The following TRIO variants were observed in gnomAD, a reference collection of about 807,000 sequenced individuals.
The protein encoded by TRIO is trio Rho guanine nucleotide exchange factor, also known as triple functional domain protein.
In TRIO, 58 loss-of-function variants were observed where a neutral mutation model predicts 351.9. The observed-to-expected ratio is 0.16, with a 90% CI of 0.13 to 0.21. The LOEUF is 0.21. TRIO is among the 10% of genes least tolerant of loss of function. The pLI is 1.00. For synonymous variants in TRIO, 1,758 were observed against 1,595.7 expected (o/e 1.10, Z -2.42); for missense variants, 3,201 against 4,027.8 (o/e 0.79, Z 5.56).
chr5:14,200,763 T>G (rs935837430), intron 1 of TRIO, among the ~76,000 whole-genome samples: 2 of 151,736 alleles, frequency 1.3e-5, no homozygotes, highest in Admixed American at 6.6e-5. Flanking sequence ...CGACTCCTAC[T>G]CTTAGTTTCT....
At chr5:14,358,591 C>T (rs1389086031) in intron 12 of TRIO, among the ~76,000 whole-genome samples, 1 of 152,208 alleles carries the variant, frequency 6.6e-6, no homozygotes, top group African/African-American at 2.4e-5. Flanking sequence ...GACTAATAAA[C>T]CACATAATTT....
intron 49 of TRIO, among the ~76,000 whole-genome samples, chr5:14,496,199 CT>C (rs1411218084): frequency 2.0e-5 from 3 of 152,142 alleles, no homozygotes; most frequent in Admixed American, 6.5e-5. Flanking sequence ...ATAAACTTAA[CT>C]TTTATATGCA....
intron 33 of TRIO, among the ~76,000 whole-genome samples, chr5:14,409,678 T>C (rs566912181): frequency 2.6e-5 from 4 of 151,808 alleles, no homozygotes; most frequent in East Asian, 3.9e-4. Context: ...ACTAAAAATG[T>C]AAAAAATTAG....
chr5:14,321,365 G>C (rs949190226), intron 9 of TRIO, among the ~76,000 whole-genome samples: 1 of 152,234 alleles, frequency 6.6e-6, no homozygotes, highest in African/African-American at 2.4e-5. Flanking sequence ...TGGCCCCCAC[G>C]ATGAGGGTTT....
At chr5:14,279,346 G>T (rs1735794058) in intron 2 of TRIO, among the ~76,000 whole-genome samples, 1 of 149,108 alleles carries the variant, frequency 6.7e-6, no homozygotes, top group African/African-American at 2.4e-5. Context: ...TAAAAGGAAA[G>T]AATCTTCTGG....
At chr5:14,158,036 T>C (rs571815091) in intron 1 of TRIO, among the ~76,000 whole-genome samples, 1 of 152,270 alleles carries the variant, frequency 6.6e-6, no homozygotes, top group African/African-American at 2.4e-5. Flanking sequence ...GGCCTCTGTA[T>C]TTCTAGCAAC....
Position 14,482,680 on chromosome 5 carries a change from C to T in TRIO, c.6564C>T (p.Ile2188=). ...GLLPRCRERR[I]FLFEQIVIFS... is the part of the protein sequence containing the mutation. ...TGCCTCGCTGCAGAGAGAGGCGCATCTTCCTCTTTGAGCAGATCGTCATAT... is the reference window on the plus strand; with the variant it reads ...TGCCTCGCTGCAGAGAGAGGCGCATTTTCCTCTTTGAGCAGATCGTCATAT... Residue 2188 remains isoleucine (I), a synonymous_variant, in exon 46 of 57, where the codon ATC becomes ATT. Coordinates refer to ENST00000344204, the MANE Select transcript of TRIO (RefSeq NM_007118.4). The T allele has an allele frequency of 3.1e-6, 5 of 1,611,844 alleles. No homozygotes were observed. The highest frequency in any genetic ancestry group is 1.7e-5 in the Admixed American group (1 of 59,838).
chr5:14,387,496 G>A lies in TRIO; in HGVS notation c.3629G>A (p.Gly1210Glu). The A allele has an allele frequency of 1.2e-6, 2 of 1,614,138 alleles. No individual in the cohort carries two copies. Among genetic ancestry groups the A allele is most frequent in the South Asian group, 1.1e-5 (1 of 91,066 alleles). Reference sequence around the variant, plus strand: ...CTGGCTGATGGCTTTTGTGAAAAAGGGCATGCCCATGCGGCAGAGATAAAA... The same window carrying A: ...CTGGCTGATGGCTTTTGTGAAAAAGAGCATGCCCATGCGGCAGAGATAAAA... ...IQLADGFCEK[G>E]HAHAAEIKKC... Residue 1210 changes from glycine to glutamate, a missense_variant, in exon 22 of 57, where the codon GGG (glycine) becomes GAG (glutamate). By Grantham distance (98) the Gly-to-Glu change is moderately conservative. This residue lies in a region of TRIO where 201 missense variants were observed against 266.5 expected (regional missense o/e 0.75). Transcript: ENST00000344204.
At chr5:14,287,438 G>T (rs1379876252) in intron 4 of TRIO, among the ~76,000 whole-genome samples, 1 of 152,202 alleles carries the variant, frequency 6.6e-6, no homozygotes, top group African/African-American at 2.4e-5. Flanking sequence ...GGAGATGAGG[G>T]AATGTTAGGG....
chr5:14,427,913 C>T (rs188448680), intron 34 of TRIO, among the ~76,000 whole-genome samples: 204 of 152,266 alleles, frequency 1.3e-3, no homozygotes, highest in African/African-American at 4.6e-3. Context: ...GTCCCTGTCG[C>T]CTCACCACCC....
intron 46 of TRIO, 77 bp from the exon 47 acceptor site, chr5:14,484,992 T>A (rs1755811334): frequency 7.2e-7 from 1 of 1,394,128 alleles, no homozygotes; most frequent in Non-Finnish European, 9.5e-7. Context: ...TCTTTGTCCA[T>A]TCATCGGTCA....
At chr5:14,504,614 C>T (rs1469412220) in intron 55 of TRIO, 21 bp downstream of exon 55, 4 of 1,611,846 alleles carry the variant, frequency 2.5e-6, no homozygotes, top group African/African-American at 1.3e-5. Context: ...ACCTGGCCTT[C>T]CCTCTGCCCA....
chr5:14,389,912 G>C (rs1457469264), intron 25 of TRIO, among the ~76,000 whole-genome samples: 1 of 152,164 alleles, frequency 6.6e-6, no homozygotes, highest in African/African-American at 2.4e-5. Flanking sequence ...ATGAGATGAT[G>C]CTGGGGTCAG....
At chr5:14,480,156 T>C (rs1755406463) in intron 43 of TRIO, 145 bp downstream of exon 43, 8 of 683,178 alleles carry the variant, frequency 1.2e-5, no homozygotes, top group Non-Finnish European at 1.6e-5. Flanking sequence ...ACCTTAAAAA[T>C]TTAAATCAGC....
chr5:14,396,441 ATCTTTTTTTTTTTTTTT>A (rs1747590611), intron 28 of TRIO, among the ~76,000 whole-genome samples: 1 of 57,688 alleles, frequency 1.7e-5, no homozygotes. Flanking sequence ...ATTTCTATTT[ATCTTTTTTTTTTTTTTT>A]TTTTTTTTTT....
chr5:14,218,737 T>C (rs973317296), intron 1 of TRIO, among the ~76,000 whole-genome samples: 1 of 152,230 alleles, frequency 6.6e-6, no homozygotes, highest in Non-Finnish European at 1.5e-5. Flanking sequence ...GCCAGGGCTA[T>C]ACCCGGCTGC....
In TRIO at chr5:14,496,944, G is replaced by C. The variant is rs560268826; in HGVS notation, c.7946G>C (p.Gly2649Ala). The change falls in exon 50 of 57, where the codon GGC (glycine) becomes GCC (alanine). Residue 2649 changes from glycine (G) to alanine (A), a missense_variant. Gly to Ala is a moderately conservative substitution (Grantham distance 60, BLOSUM62 0). Coordinates refer to ENST00000344204, the MANE Select transcript of TRIO (RefSeq NM_007118.4). ...AAATCTGAGAAAAAAGATAAAGACG[G>C]CAAAAGGGAAGGCAAGTTAGAGAAC... Reference protein sequence around the residue: ...RKKSEKKDKDGKREGKLENGY... With the variant: ...RKKSEKKDKDAKREGKLENGY... 5.6e-6 allele frequency: 9 copies of C among 1,614,196 alleles called. No individual in the cohort carries two copies. The African/African-American group carries it at 1.1e-4, about 19-fold the overall frequency.
At chr5:14,484,086 C>T (rs1451581094) in intron 46 of TRIO, among the ~76,000 whole-genome samples, 7 of 150,278 alleles carry the variant, frequency 4.7e-5, no homozygotes, top group Non-Finnish European at 8.9e-5. Flanking sequence ...TCATCCATCC[C>T]GGGCACTGCA....
chr5:14,424,895 C>G (rs1750509730), intron 34 of TRIO, among the ~76,000 whole-genome samples: 1 of 152,224 alleles, frequency 6.6e-6, no homozygotes, highest in African/African-American at 2.4e-5. Flanking sequence ...CAAGGGTTTT[C>G]TTGTCCACCC....
Sources: gnomAD v4.1 joint callset for allele counts (sites outside exome capture counted in the v4.1 genomes callset) on GRCh38, gnomAD v4.1.1 for gene constraint, gnomAD v4.1.1 regional missense constraint, MANE v1.5 for transcripts, NCBI Gene and HGNC (gene_info 2026-07-23, HGNC 2026-07-21) for gene names.